The following TMEM128 variants were observed in gnomAD, a reference collection of about 807,000 sequenced individuals.
TMEM128 encodes the protein transmembrane protein 128.
TMEM128 carries 16 observed loss-of-function variants against 19.7 expected under a neutral mutation model. That is an observed-to-expected ratio of 0.81 (90% CI 0.55 to 1.23). The LOEUF (loss-of-function observed/expected upper bound fraction) is 1.23. Among genes scored for constraint, TMEM128 ranks in the 50% most tolerant of loss-of-function variants. The pLI is 0.00. For synonymous variants in TMEM128, 98 were observed against 75.8 expected, an observed-to-expected ratio of 1.29 and a Z score of -1.52; for missense variants, 237 against 200.8, an observed-to-expected ratio of 1.18 and a Z score of -1.09.
rs1275847333 is a variant in TMEM128 at position 4,240,565 on chromosome 4, C to A, written c.240-86G>T. On this transcript the variant is annotated intron_variant, in intron 2 of 4. Coordinates refer to ENST00000382753, the MANE Select transcript of TMEM128 (RefSeq NM_001297551.2). ...AAGTTTTTACTAATAGCTTAAAAAT[C>A]TGCTTCTAAGAATATCAAGTGTTGC... 2.1e-6 allele frequency: 3 copies of A among 1,431,080 alleles called. No individual in the cohort carries two copies. The South Asian group carries it at 4.2e-5, about 20-fold the overall frequency. The allele number at this position is 1,431,080 out of a possible 1,614,324, so 88.6% of individuals were successfully genotyped here.
chr4:4,246,908 G>A lies in TMEM128; in HGVS notation c.98-565C>T, dbSNP rs551532707. Among the ~76,000 whole-genome samples, 7 of 151,856 alleles carry A rather than the reference G, an allele frequency of 4.6e-5. No individual in the cohort carries two copies. The South Asian group carries it at 8.3e-4, about 18-fold the overall frequency. On this transcript the variant is annotated intron_variant, in intron 1 of 4. Coordinates refer to ENST00000382753, the MANE Select transcript of TMEM128 (RefSeq NM_001297551.2). ...GATTACAGGCGCCTGCCACCACGCC[G>A]GGCTAATTTTTGTATTTTTAGTAGA...
intron 2 of TMEM128, among the ~76,000 whole-genome samples, chr4:4,242,523 ATTT>A (rs373516862): frequency 6.7e-6 from 1 of 148,882 alleles, no homozygotes; most frequent in East Asian, 2.0e-4. Flanking sequence ...GAAAAAAAAA[ATTT>A]TTTTTTTTTG....
At chr4:4,246,836 C>T (rs1000592356) in intron 1 of TMEM128, among the ~76,000 whole-genome samples, 3 of 152,074 alleles carry the variant, frequency 2.0e-5, no homozygotes, top group Admixed American at 6.6e-5. Context: ...CAACCACCGC[C>T]TCCCGGGTTC....
At chr4:4,241,817 G>A (rs1370231181) in intron 2 of TMEM128, among the ~76,000 whole-genome samples, 1 of 152,192 alleles carries the variant, frequency 6.6e-6, no homozygotes, top group Non-Finnish European at 1.5e-5. Context: ...GAATAGCTGT[G>A]AGAATTAAAT....
chr4:4,240,875 C>T lies in TMEM128; in HGVS notation c.240-396G>A, dbSNP rs148906934. 3.6e-3 allele frequency among the ~76,000 whole-genome samples: 547 copies of T among 152,252 alleles called. 5 individuals are homozygous for T. The highest frequency in any genetic ancestry group is 0.024 in the South Asian group (117 of 4,828). On this transcript the variant is annotated intron_variant, in intron 2 of 4. Coordinates refer to ENST00000382753, the MANE Select transcript of TMEM128 (RefSeq NM_001297551.2). ...GGTGGATCACCTGAGGTCAGGAGTT[C>T]GAGACCAGCCTGACCAACACGGAGA...
chr4:4,246,840 C>T (rs565886044), intron 1 of TMEM128, among the ~76,000 whole-genome samples: 2 of 152,096 alleles, frequency 1.3e-5, no homozygotes, highest in East Asian at 3.9e-4. Flanking sequence ...CACCGCCTCC[C>T]GGGTTCAAGC....
chr4:4,247,629 A>G, intron 1 of TMEM128: 1 of 1,614,212 alleles, frequency 6.2e-7, no homozygotes. Flanking sequence ...GCGGCATACC[A>G]TAGTGTTCCA....
At chr4:4,240,030 T>C (rs1481682542) in intron 3 of TMEM128, among the ~76,000 whole-genome samples, 1 of 152,208 alleles carries the variant, frequency 6.6e-6, no homozygotes, top group Non-Finnish European at 1.5e-5. Context: ...AATTCATTCA[T>C]CTCAGTTTTT....
chr4:4,237,015 G>A (rs1717747799), intron 4 of TMEM128: 1 of 448,954 alleles, frequency 2.2e-6, no homozygotes, highest in Non-Finnish European at 4.4e-6. Flanking sequence ...TAATAACAGA[G>A]TTATCCGACA....
At chr4:4,236,806 G>A (rs1339107709) in intron 4 of TMEM128, among the ~76,000 whole-genome samples, 1 of 152,218 alleles carries the variant, frequency 6.6e-6, no homozygotes, top group East Asian at 1.9e-4. Flanking sequence ...TAGCAGAAAT[G>A]TCAGTTTTCA....
chr4:4,240,369 G>A lies in TMEM128; in HGVS notation c.350C>T (p.Pro117Leu). The A allele has an allele frequency of 6.2e-7, 1 of 1,614,100 alleles. No homozygotes were observed. The highest frequency in any genetic ancestry group is 1.1e-5 in the South Asian group (1 of 91,074). ...CGIGEYDVKY[P>L]ALIPITTASF... ...GGCAGTGGTAATGGGTATCAAGGCT[G>A]GATACTTGACATCATATTCTCCAAT... The change falls in exon 3 of 5, where the codon CCA (proline) becomes CTA (leucine). Residue 117 changes from proline to leucine, a missense_variant. Pro to Leu is a moderately conservative substitution (Grantham distance 98). Transcript: ENST00000382753.
At position 4,245,845 on chromosome 4, in the gene TMEM128, AATT is replaced by A. The variant is rs1415378586; in HGVS notation, c.239+354_239+356del. On this transcript the variant is annotated intron_variant, in intron 2 of 4. Coordinates refer to ENST00000382753, the MANE Select transcript of TMEM128 (RefSeq NM_001297551.2). ...ACATATACACACACACACATTGTGA[AATT>A]ATTACCACAATCAAGTTAATTATCA... 2.6e-5 allele frequency among the ~76,000 whole-genome samples: 4 copies of A among 152,248 alleles called. No homozygotes were observed. In the South Asian group the frequency reaches 6.2e-4, roughly 24 times the overall value.
Position 4,246,209 on chromosome 4 carries a change from T to C in TMEM128, c.232A>G (p.Thr78Ala). The C allele has an allele frequency of 1.9e-6, 3 of 1,593,238 alleles. No homozygotes were observed. Among genetic ancestry groups the C allele is most frequent in the Non-Finnish European group, 2.6e-6 (3 of 1,173,822 alleles). The stretch of plus-strand genomic sequence containing the variant: ...GCAATAAAATTTTCTTACCTGCTAG[T>C]GTGGAAGTTTTCTTTAAGGGTTTTA... ...FFKTLKENFH[T>A]SSWFLCGSAL... is the part of the protein sequence containing the mutation. The change falls in exon 2 of 5, where the codon ACT (threonine) becomes GCT (alanine). Residue 78 changes from threonine (T) to alanine (A), a missense_variant. Transcript: ENST00000382753.
Position 4,245,708 on chromosome 4 carries a change from A to T in TMEM128, c.239+494T>A, listed in dbSNP as rs1049263315. On this transcript the variant is annotated intron_variant, in intron 2 of 4. Transcript: ENST00000382753. The stretch of plus-strand genomic sequence containing the variant: ...CCAGCTTTATTGAAGTACAATTGAC[A>T]AATTAAAATTTTATATATTCAAGGT... Among the ~76,000 whole-genome samples the T allele has an allele frequency of 3.9e-5, 6 of 152,304 alleles. No individual in the cohort carries two copies. The South Asian group carries it at 1.2e-3, about 32-fold the overall frequency.
chr4:4,247,590 T>A, intron 1 of TMEM128: 1 of 1,614,190 alleles, frequency 6.2e-7, no homozygotes, highest in Non-Finnish European at 8.5e-7. Context: ...TGAACATACA[T>A]CACAAGTTAC....
intron 2 of TMEM128, among the ~76,000 whole-genome samples, chr4:4,245,836 AC>A (rs1447542657): frequency 6.6e-6 from 1 of 152,130 alleles, no homozygotes; most frequent in African/African-American, 2.4e-5. Flanking sequence ...ACACACACAC[AC>A]ATTGTGAAAT....
chr4:4,236,702 T>G (rs550747132), intron 4 of TMEM128, among the ~76,000 whole-genome samples: 16 of 152,330 alleles, frequency 1.1e-4, no homozygotes, highest in African/African-American at 3.8e-4. Context: ...AGCAACTATT[T>G]TCAGACTGCT....
rs537485262 is a variant in TMEM128, at chr4:4,239,399, G to A, written c.398+922C>T. ...GAGACACATCTATATGTACCATTAT[G>A]GAAGAATCCCAAACTATAAGGATCC... On this transcript the variant is annotated intron_variant, in intron 3 of 4. Transcript: ENST00000382753. 3.6e-5 allele frequency among the ~76,000 whole-genome samples: 5 copies of A among 138,172 alleles called. No individual in the cohort carries two copies. In the South Asian group the frequency reaches 1.1e-3, roughly 31 times the overall value. The allele number at this position is 138,172 out of a possible 152,430, so 90.6% of individuals were successfully genotyped here. A position where few individuals can be genotyped will look rare whatever the true frequency, so the allele number is the denominator to read the frequency against.
chr4:4,245,914 G>C (rs149810011), intron 2 of TMEM128, among the ~76,000 whole-genome samples: 1 of 152,016 alleles, frequency 6.6e-6, no homozygotes, highest in African/African-American at 2.4e-5. Flanking sequence ...GGGGTAACAG[G>C]GGGAGGACAC....
Sources: gnomAD v4.1 joint callset for allele counts (sites outside exome capture counted in the v4.1 genomes callset) on GRCh38, gnomAD v4.1.1 for gene constraint, MANE v1.5 for transcripts, NCBI Gene and HGNC (gene_info 2026-07-23, HGNC 2026-07-21) for gene names.